Variants in MGST1 observed in about 807,000 individuals in gnomAD.
MGST1 encodes glutathione S-transferase 12.
A neutral mutation model predicts 8.9 loss-of-function variants in MGST1; 5 were observed. That is an observed-to-expected ratio of 0.56 (90% CI 0.29 to 1.19). MGST1 has a LOEUF of 1.19. MGST1 is among the 50% of genes most tolerant of loss of function. The pLI is 0.08. For synonymous variants in MGST1, 54 were observed against 67.8 expected (o/e 0.80, Z 1.00); for missense variants, 182 against 187.4 (o/e 0.97, Z 0.17).
At chr12:16,591,126 G>A (rs1181660241), downstream of MGST1, among the ~76,000 whole-genome samples, 1 of 151,678 alleles carries the variant, frequency 6.6e-6, no homozygotes, top group Admixed American at 6.6e-5. The surrounding 1 kb of genome is among the most constrained non-coding windows in gnomAD (Gnocchi z 4.1). Context: ...ATTGTTTGTT[G>A]CAACAGTGAT....
intron 4 of MGST1, among the ~76,000 whole-genome samples, chr12:16,518,417 C>G (rs1466593905): frequency 6.6e-6 from 1 of 152,230 alleles, no homozygotes; most frequent in Non-Finnish European, 1.5e-5. Flanking sequence ...TCTCCTATCT[C>G]TACTTCATTC....
intron 4 of MGST1, among the ~76,000 whole-genome samples, chr12:16,583,675 T>C (rs1943234639): frequency 6.6e-6 from 1 of 152,252 alleles, no homozygotes; most frequent in African/African-American, 2.4e-5. Flanking sequence ...GTATGTTATT[T>C]GCTTGTTTCT....
intron 4 of MGST1, among the ~76,000 whole-genome samples, chr12:16,539,184 T>A (rs1260479266): frequency 6.6e-6 from 1 of 152,170 alleles, no homozygotes; most frequent in Non-Finnish European, 1.5e-5. Context: ...TAGGGTAACA[T>A]ATAATCTATC....
At chr12:16,460,021 G>A (rs1375720187) in intron 4 of MGST1, among the ~76,000 whole-genome samples, 1 of 152,062 alleles carries the variant, frequency 6.6e-6, no homozygotes, top group African/African-American at 2.4e-5. Context: ...ATCTCTCTAT[G>A]CCTCACTTTC....
chr12:16,400,675 T>C, intron 1 of MGST1: 2 of 1,498,920 alleles, frequency 1.3e-6, no homozygotes, highest in Non-Finnish European at 1.9e-6. Flanking sequence ...AGATGTTGCC[T>C]TCATTCCTGC....
At chr12:16,550,095 A>G (rs1481587337) in intron 4 of MGST1, 1 of 152,166 alleles carries the variant, frequency 6.6e-6, no homozygotes. Context: ...CTTCTTCTAG[A>G]AGATTCTATG....
rs1275973273 is a variant in MGST1, at chr12:16,498,703, C to G, written n.483-90825C>G. ...TATGCTCTAACAGGAGACCCGCTTT[C>G]CATGATCAAATGATATGTTAGAAAA... is the stretch of plus-strand genomic sequence containing the variant. On this transcript the variant is annotated intron_variant and non_coding_transcript_variant, in intron 4 of 4. Coordinates refer to the MGST1 transcript ENST00000538857. Among the ~76,000 whole-genome samples, 3 of 152,092 alleles carry G rather than the reference C, an allele frequency of 2.0e-5. No individual in the cohort carries two copies. The East Asian group carries it at 5.8e-4, about 29-fold the overall frequency.
downstream of MGST1, among the ~76,000 whole-genome samples, chr12:16,592,352 T>A (rs1943520820): frequency 6.6e-6 from 1 of 152,026 alleles, no homozygotes; most frequent in African/African-American, 2.4e-5. Context: ...TAATAAATGG[T>A]CACAGAAAAT....
chr12:16,366,692 G>A (rs2137011879), downstream of MGST1, among the ~76,000 whole-genome samples: 1 of 150,552 alleles, frequency 6.6e-6, no homozygotes, highest in South Asian at 2.1e-4. This position sits in a 1 kb window ranked among gnomAD's most constrained non-coding sequence, Gnocchi z 4.0. Context: ...ACCATCATCG[G>A]TTCTAACCAT....
At chr12:16,460,662 A>G (rs998382158) in intron 4 of MGST1, among the ~76,000 whole-genome samples, 9 of 151,320 alleles carry the variant, frequency 5.9e-5, no homozygotes, top group Admixed American at 1.3e-4. Context: ...CTCCAGTTTA[A>G]TAACTTCTAA....
chr12:16,506,993 A>G (rs1464868513), intron 4 of MGST1, among the ~76,000 whole-genome samples: 2 of 152,232 alleles, frequency 1.3e-5, no homozygotes, highest in South Asian at 2.1e-4. Flanking sequence ...AAGGACACAG[A>G]CAATAGAACA....
chr12:16,378,772 C>T (rs1389833130), downstream of MGST1, among the ~76,000 whole-genome samples: 1 of 151,250 alleles, frequency 6.6e-6, no homozygotes, highest in Non-Finnish European at 1.5e-5. Flanking sequence ...ATTCTTCCTA[C>T]CCATGAGCAT....
chr12:16,543,521 AAT>A (rs1433533083), intron 4 of MGST1, among the ~76,000 whole-genome samples: 1 of 152,098 alleles, frequency 6.6e-6, no homozygotes, highest in Non-Finnish European at 1.5e-5. Context: ...TTAGCACATA[AAT>A]GACTCTTAGA....
intron 1 of MGST1, among the ~76,000 whole-genome samples, chr12:16,407,893 G>C (rs553004872): frequency 6.6e-6 from 1 of 151,922 alleles, no homozygotes; most frequent in Non-Finnish European, 1.5e-5. Flanking sequence ...TTAGCTGGGC[G>C]TGGTGGTGTT....
intron 1 of MGST1, chr12:16,353,447 A>ATAC (rs1316463845): frequency 1.3e-5 from 2 of 152,198 alleles, no homozygotes; most frequent in Non-Finnish European, 2.9e-5. Flanking sequence ...ACAGTTTTGA[A>ATAC]TACTACTGAA....
At chr12:16,529,115 C>G (rs974673767) in intron 4 of MGST1, among the ~76,000 whole-genome samples, 3 of 152,098 alleles carry the variant, frequency 2.0e-5, no homozygotes, top group Admixed American at 2.0e-4. Context: ...TTTTCTGTAG[C>G]TCTTTTCTCC....
downstream of MGST1, among the ~76,000 whole-genome samples, chr12:16,381,030 G>T (rs150395767): frequency 6.6e-6 from 1 of 152,088 alleles, no homozygotes; most frequent in African/African-American, 2.4e-5. Context: ...TTGAGCCTAT[G>T]TGTGTCTCTG....
intron 1 of MGST1, among the ~76,000 whole-genome samples, chr12:16,385,017 G>T (rs933035264): frequency 3.9e-5 from 6 of 152,224 alleles, no homozygotes; most frequent in Non-Finnish European, 8.8e-5. Context: ...AGGTGGGAAA[G>T]GGGAAATAGT....
chr12:16,395,455 G>A (rs1231855959), intron 1 of MGST1, among the ~76,000 whole-genome samples: 2 of 152,026 alleles, frequency 1.3e-5, no homozygotes, highest in East Asian at 3.9e-4. Context: ...TTGGGGAACA[G>A]GTGGTATTTG....
Sources: allele counts gnomAD v4.1 joint callset (sites outside exome capture counted in the v4.1 genomes callset), GRCh38; gene constraint gnomAD v4.1.1; non-coding constraint Gnocchi (gnomAD v3.1); transcripts MANE v1.5; gene names NCBI Gene and HGNC (gene_info 2026-07-23, HGNC 2026-07-21).